Variants in PM20D1 observed in about 807,000 individuals in gnomAD.
PM20D1 encodes the protein peptidase M20 domain containing 1.
A neutral mutation model predicts 53.8 loss-of-function variants in PM20D1; 53 were observed. The ratio of observed to expected loss-of-function variants is 0.98; its 90% CI spans 0.79 to 1.24. The LOEUF (loss-of-function observed/expected upper bound fraction) is 1.24. Ranked by LOEUF, PM20D1 falls within the 50% of genes most tolerant of loss-of-function variation. PM20D1 has a pLI of 0.00. For synonymous variants in PM20D1, 239 were observed against 241.3 expected, an observed-to-expected ratio of 0.99 and a Z score of 0.09; for missense variants, 564 against 616.8, an observed-to-expected ratio of 0.91 and a Z score of 0.91.
At chr1:205,831,457 T>G (rs968701015) in intron 11 of PM20D1, among the ~76,000 whole-genome samples, 65 of 152,254 alleles carry the variant, frequency 4.3e-4, no homozygotes, top group African/African-American at 1.5e-3. Flanking sequence ...TTCCTGGATG[T>G]TTGGAGGAAT....
chr1:205,832,691 G>T lies in PM20D1; in HGVS notation c.1192C>A (p.Pro398Thr), dbSNP rs1440555455. Residue 398 changes from proline (P) to threonine (T), a missense_variant, in exon 11 of 13, where the codon CCC becomes ACC. Pro to Thr is a conservative substitution (Grantham distance 38). Transcript: ENST00000367136. ...FHVLSAFDPL[P>T]VSPSDDKALG... Reference sequence around the variant, plus strand: ...GCCTTGTCATCAGAAGGGCTGACGGGGAGGGGGTCAAAGGCACTCAACACA... The same window carrying T: ...GCCTTGTCATCAGAAGGGCTGACGGTGAGGGGGTCAAAGGCACTCAACACA... The T allele has an allele frequency of 4.3e-6, 7 of 1,613,982 alleles. No individual in the cohort carries two copies. The East Asian group carries it at 1.6e-4, about 36-fold the overall frequency.
chr1:205,830,999 T>C (rs943015719), intron 11 of PM20D1, among the ~76,000 whole-genome samples: 4 of 152,222 alleles, frequency 2.6e-5, no homozygotes, highest in African/African-American at 9.6e-5. Flanking sequence ...TTTACTACTA[T>C]AAAATATCAC....
In PM20D1 at chr1:205,840,021, T is replaced by C. The variant is rs532803716; in HGVS notation, c.1116+231A>G. Among the ~76,000 whole-genome samples, 8 of 151,976 alleles carry C rather than the reference T, an allele frequency of 5.3e-5. No individual in the cohort carries two copies. In the South Asian group the frequency reaches 1.7e-3, roughly 32 times the overall value. The stretch of plus-strand genomic sequence containing the variant: ...ATGTTATATATAATGTTTGTTACTA[T>C]AGGTATTGCTATCATTTATTCATAC... On this transcript the variant is annotated intron_variant, in intron 10 of 12. Transcript: ENST00000367136.
At position 205,832,911 on chromosome 1, in the gene PM20D1, C is replaced by G; in HGVS notation, c.1117-145G>C. 3 of 892,488 alleles carry G rather than the reference C, an allele frequency of 3.4e-6. No individual in the cohort carries two copies. The African/African-American group carries it at 5.2e-5, about 16-fold the overall frequency. 55.3% of individuals were successfully genotyped at this position (892,488 alleles called of 1,614,324 possible). A position where few individuals can be genotyped will look rare whatever the true frequency, so the allele number is the denominator to read the frequency against. On this transcript the variant is annotated intron_variant, in intron 10 of 12. Transcript: ENST00000367136. ...TTATTTTTTTTAAGCACTGGGACTT[C>G]AATTTCAGCTGACTGGCTATAGGTG...
At chr1:205,832,860 A>G (rs1422660928) in intron 10 of PM20D1, 94 bp from the exon 11 acceptor site, 4 of 1,393,366 alleles carry the variant, frequency 2.9e-6, no homozygotes, top group Non-Finnish European at 3.8e-6. Context: ...CCAGCAAGGC[A>G]GAGCCTCAGG....
intron 9 of PM20D1, among the ~76,000 whole-genome samples, chr1:205,841,044 G>C (rs932268075): frequency 6.6e-5 from 10 of 152,182 alleles, no homozygotes; most frequent in Admixed American, 3.3e-4. Flanking sequence ...CCTTGAGGCT[G>C]CTGAGCAATT....
chr1:205,828,993 T>TCCTGCTC (rs1289880432), intron 12 of PM20D1, among the ~76,000 whole-genome samples: 1 of 152,054 alleles, frequency 6.6e-6, no homozygotes, highest in Non-Finnish European at 1.5e-5. Context: ...CAAAATAATC[T>TCCTGCTC]CCTGCTCTGA....
chr1:205,841,286 G>A (rs1656801590), intron 9 of PM20D1, among the ~76,000 whole-genome samples: 1 of 152,158 alleles, frequency 6.6e-6, no homozygotes, highest in African/African-American at 2.4e-5. Context: ...GTGCAAAAAA[G>A]CACTAAGTGG....
chr1:205,846,376 A>G (rs1004948827), intron 2 of PM20D1, among the ~76,000 whole-genome samples: 7 of 151,386 alleles, frequency 4.6e-5, no homozygotes, highest in South Asian at 2.1e-4. Flanking sequence ...ACACAGCAAG[A>G]CTCCAACTCA....
chr1:205,842,608 T>G, intron 7 of PM20D1, 68 bp downstream of exon 7: 3 of 1,510,756 alleles, frequency 2.0e-6, no homozygotes, highest in Non-Finnish European at 2.8e-6. Flanking sequence ...TTTCTTACTC[T>G]AAAGGTTACT....
At chr1:205,832,896 T>A in intron 10 of PM20D1, 130 bp from the exon 11 acceptor site, 1 of 1,070,788 alleles carries the variant, frequency 9.3e-7, no homozygotes, top group Non-Finnish European at 1.3e-6. Flanking sequence ...TTATTTTTTT[T>A]AAGCACTGGG....
intron 11 of PM20D1, 60 bp downstream of exon 11, chr1:205,832,538 T>C (rs1656582001): frequency 1.3e-6 from 2 of 1,577,488 alleles, no homozygotes; most frequent in East Asian, 2.2e-5. Context: ...GAAGTAGACA[T>C]TGGATAGGAA....
At chr1:205,829,611 C>T (rs1317370887) in intron 12 of PM20D1, among the ~76,000 whole-genome samples, 1 of 152,154 alleles carries the variant, frequency 6.6e-6, no homozygotes, top group African/African-American at 2.4e-5. Context: ...AGTACCTACC[C>T]ATCTCCCATT....
At chr1:205,849,418 A>T (rs571481375) in intron 1 of PM20D1, among the ~76,000 whole-genome samples, 1 of 152,146 alleles carries the variant, frequency 6.6e-6, no homozygotes, top group Middle Eastern at 3.4e-3. Flanking sequence ...CAGGCACTAG[A>T]TGCTGTCACC....
Position 205,844,142 on chromosome 1 carries a change from C to T in PM20D1, c.652G>A (p.Glu218Lys), listed in dbSNP as rs144488155. The change falls in exon 5 of 13, where the codon GAG (glutamate) becomes AAG (lysine). Residue 218 changes from glutamate to lysine, a missense_variant. By Grantham distance (56) the Glu-to-Lys change is moderately conservative. Transcript: ENST00000367136. ...AAATCATCCAAGATGAAGCCCCCCT[C>T]GTCCACAATGAAGGCTAGCTGGACG... is the stretch of plus-strand genomic sequence containing the variant. ...RGVQLAFIVDEGGFILDDFIP... is the reference protein window; with the variant it reads ...RGVQLAFIVDKGGFILDDFIP... The T allele has an allele frequency of 1.3e-4, 203 of 1,613,990 alleles. No homozygotes were observed. The highest frequency in any genetic ancestry group is 9.6e-4 in the East Asian group (43 of 44,868).
Position 205,828,629 on chromosome 1 carries a change from G to A in PM20D1, c.1500C>T (p.His500=), listed in dbSNP as rs984676748. Residue 500 remains histidine, a synonymous_variant, in exon 13 of 13, where the codon CAC becomes CAT. Transcript: ENST00000367136. The part of the protein sequence containing the change: ...DTDQEPVSHL[H]KL ...AGCAGGCCCCTTGACCTCACAGTTT[G>A]TGCAGGTGAGAAACTGGCTCCTGGT... is the stretch of plus-strand genomic sequence containing the variant. 1 of 1,614,182 alleles carries A rather than the reference G, an allele frequency of 6.2e-7. No individual in the cohort carries two copies. The highest frequency in any genetic ancestry group is 2.2e-5 in the East Asian group (1 of 44,884).
intron 10 of PM20D1, among the ~76,000 whole-genome samples, chr1:205,833,163 C>T (rs946137803): frequency 6.6e-6 from 1 of 152,190 alleles, no homozygotes; most frequent in African/African-American, 2.4e-5. Context: ...GCTATTCTTA[C>T]GAAAAGCACC....
chr1:205,832,883 G>T (rs926041172), intron 10 of PM20D1, 117 bp from the exon 11 acceptor site: 1 of 1,216,914 alleles, frequency 8.2e-7, no homozygotes, highest in Non-Finnish European at 1.1e-6. Flanking sequence ...TTACAGACAG[G>T]ACTTATTTTT....
rs376745391 is a variant in PM20D1, at chr1:205,843,941, G to C, written c.707+146C>G. The C allele has an allele frequency of 6.8e-6, 10 of 1,466,296 alleles. No homozygotes were observed. In the African/African-American group the frequency reaches 9.9e-5, roughly 14 times the overall value. 90.8% of individuals were successfully genotyped at this position (1,466,296 alleles called of 1,614,324 possible). On this transcript the variant is annotated intron_variant, in intron 5 of 12. Coordinates refer to ENST00000367136, the MANE Select transcript of PM20D1 (RefSeq NM_152491.5). ...TACTGGAGGAAGAATGGAAGGGGAAGCCTAGGAGAGGTTAAAGATTGGGGC... is the reference window on the plus strand; with the variant it reads ...TACTGGAGGAAGAATGGAAGGGGAACCCTAGGAGAGGTTAAAGATTGGGGC...
Sources: allele counts gnomAD v4.1 joint callset (sites outside exome capture counted in the v4.1 genomes callset), GRCh38; gene constraint gnomAD v4.1.1; transcripts MANE v1.5; gene names NCBI Gene and HGNC (gene_info 2026-07-23, HGNC 2026-07-21).